MSRA: variants seen among roughly 807,000 people sequenced by gnomAD.
The protein encoded by MSRA is mitochondrial peptide methionine sulfoxide reductase.
MSRA carries 54 observed loss-of-function variants against 31.3 expected under a neutral mutation model. That is an observed-to-expected ratio of 1.73 (90% CI 1.39 to 2.17). MSRA has a LOEUF of 2.17. Among genes scored for constraint, MSRA ranks in the 30% most tolerant of loss-of-function variants. The pLI, the probability that MSRA is intolerant of heterozygous loss-of-function variation, is 0.00. For synonymous variants in MSRA, 169 were observed against 116.5 expected, an observed-to-expected ratio of 1.45 and a Z score of -2.90; for missense variants, 507 against 300.9, an observed-to-expected ratio of 1.69 and a Z score of -5.07.
intron 5 of MSRA, among the ~76,000 whole-genome samples, chr8:10,394,654 C>T (rs1027342670): frequency 6.6e-6 from 1 of 152,226 alleles, no homozygotes. Context: ...TGAGAGAAGG[C>T]ACCAAACCCA....
intron 1 of MSRA, chr8:10,096,041 A>C: frequency 6.9e-7 from 1 of 1,443,054 alleles, no homozygotes; most frequent in Non-Finnish European, 9.2e-7. Flanking sequence ...ATGTGTTCAG[A>C]ACGTAAGTTT....
intron 5 of MSRA, among the ~76,000 whole-genome samples, chr8:10,426,748 G>A (rs569740928): frequency 2.0e-5 from 3 of 152,338 alleles, no homozygotes; most frequent in Non-Finnish European, 2.9e-5. Context: ...CTTCCTTCCC[G>A]TGGCTGTTGT....
At chr8:10,067,447 G>T (rs990244985) in intron 1 of MSRA, among the ~76,000 whole-genome samples, 2 of 152,076 alleles carry the variant, frequency 1.3e-5, no homozygotes, top group Admixed American at 1.3e-4. Flanking sequence ...CACTTACATG[G>T]GGATCTATAA....
At chr8:10,123,566 TG>T (rs768815246) in intron 1 of MSRA, among the ~76,000 whole-genome samples, 3 of 152,208 alleles carry the variant, frequency 2.0e-5, no homozygotes, top group Non-Finnish European at 4.4e-5. Context: ...CAATTGCTTT[TG>T]GCATCTTCAT....
intron 1 of MSRA, among the ~76,000 whole-genome samples, chr8:10,174,727 T>G (rs1805887703): frequency 6.6e-6 from 1 of 152,164 alleles, no homozygotes; most frequent in African/African-American, 2.4e-5. Context: ...TACTGCTATC[T>G]CTGTCACCTC....
chr8:10,075,320 T>G (rs187289532), intron 1 of MSRA, among the ~76,000 whole-genome samples: 1 of 152,338 alleles, frequency 6.6e-6, no homozygotes, highest in Admixed American at 6.5e-5. Flanking sequence ...TAAAACTCTT[T>G]TAGTATAATT....
chr8:10,392,636 C>T (rs1806818264), intron 5 of MSRA, among the ~76,000 whole-genome samples: 2 of 151,860 alleles, frequency 1.3e-5, no homozygotes, highest in Admixed American at 1.3e-4. Flanking sequence ...ATGAAGACAC[C>T]TCATCCTGTC....
At chr8:10,193,228 C>T (rs10095187) in intron 1 of MSRA, among the ~76,000 whole-genome samples, 4,353 of 152,254 alleles carry the variant, frequency 0.029, 215 homozygotes, top group African/African-American at 0.097. Context: ...CCAAAAACAT[C>T]TGATCAGAAT....
intron 5 of MSRA, 22 bp from the exon 6 acceptor site, chr8:10,428,126 G>T: frequency 6.2e-7 from 1 of 1,604,976 alleles, no homozygotes; most frequent in Non-Finnish European, 8.5e-7. Flanking sequence ...GGAGCTGATG[G>T]CGCCTTTCTG....
chr8:10,147,186 T>G (rs540357652), intron 1 of MSRA, among the ~76,000 whole-genome samples: 1 of 152,250 alleles, frequency 6.6e-6, no homozygotes, highest in South Asian at 2.1e-4. Flanking sequence ...TCCTCAGGTT[T>G]GAGCCAGAGT....
Position 10,299,517 on chromosome 8 carries a change from A to G in MSRA, c.332-2017A>G, listed in dbSNP as rs1041818011. On this transcript the variant is annotated intron_variant, in intron 3 of 5. Coordinates refer to ENST00000317173, the MANE Select transcript of MSRA (RefSeq NM_012331.5). ...TGTTTAGATGCTAACTTGAATGACT[A>G]TAGTATTTGAATTAAAATTATATGG... Among the ~76,000 whole-genome samples, 4 of 152,136 alleles carry G rather than the reference A, an allele frequency of 2.6e-5. No individual in the cohort carries two copies. In the South Asian group the frequency reaches 6.2e-4, roughly 24 times the overall value.
At chr8:10,067,831 C>A (rs377329414) in intron 1 of MSRA, among the ~76,000 whole-genome samples, 35 of 139,776 alleles carry the variant, frequency 2.5e-4, no homozygotes, top group African/African-American at 8.8e-4. Flanking sequence ...TGTGTCTGTT[C>A]AAATCTTTTG....
chr8:10,081,724 A>G (rs1056962916), intron 1 of MSRA, among the ~76,000 whole-genome samples: 2 of 152,124 alleles, frequency 1.3e-5, no homozygotes, highest in African/African-American at 4.8e-5. Context: ...TCCTGACCTC[A>G]GGTGATCTGC....
intron 5 of MSRA, among the ~76,000 whole-genome samples, chr8:10,393,329 A>G (rs950837091): frequency 6.6e-6 from 1 of 152,198 alleles, no homozygotes; most frequent in Non-Finnish European, 1.5e-5. Context: ...CGAATTTTCC[A>G]TAACAGAGTC....
chr8:10,371,720 C>T (rs1047849359), intron 5 of MSRA, among the ~76,000 whole-genome samples: 3 of 152,196 alleles, frequency 2.0e-5, no homozygotes, highest in South Asian at 2.1e-4. Context: ...TCTTTGTGGT[C>T]GGTGGTGTTG....
intron 2 of MSRA, among the ~76,000 whole-genome samples, chr8:10,240,485 T>G (rs1371290952): frequency 6.6e-6 from 1 of 152,194 alleles, no homozygotes; most frequent in Non-Finnish European, 1.5e-5. Context: ...AGTGCCTCTT[T>G]CATGGTAGAT....
chr8:10,264,360 A>G (rs1245166356), intron 3 of MSRA, among the ~76,000 whole-genome samples: 1 of 152,262 alleles, frequency 6.6e-6, no homozygotes, highest in Non-Finnish European at 1.5e-5. Context: ...GGATGAAACT[A>G]TTATAAATTA....
intron 5 of MSRA, among the ~76,000 whole-genome samples, chr8:10,373,979 C>T (rs1456385048): frequency 6.6e-6 from 1 of 152,216 alleles, no homozygotes; most frequent in Admixed American, 6.5e-5. Flanking sequence ...AGGGCAGATG[C>T]ATGTCTCACT....
chr8:10,411,454 A>G (rs1455711507), intron 5 of MSRA: 2 of 151,966 alleles, frequency 1.3e-5, no homozygotes, highest in Non-Finnish European at 2.9e-5. Flanking sequence ...TATAGCCCTT[A>G]TTTTATTTTT....
Sources: allele counts gnomAD v4.1 joint callset (sites outside exome capture counted in the v4.1 genomes callset), GRCh38; gene constraint gnomAD v4.1.1; transcripts MANE v1.5; gene names NCBI Gene and HGNC (gene_info 2026-07-23, HGNC 2026-07-21).